Variants in MCM9 observed in about 807,000 individuals in gnomAD.
MCM9 encodes minichromosome maintenance 9 homologous recombination repair factor.
In MCM9, 55 loss-of-function variants were observed where a neutral mutation model predicts 72.8. The ratio of observed to expected loss-of-function variants is 0.76; its 90% CI spans 0.61 to 0.95. The LOEUF (loss-of-function observed/expected upper bound fraction) is 0.95. MCM9 is among the 40% of genes least tolerant of loss of function. The pLI is 0.00. For missense variants in MCM9, 1,279 were observed against 1,377.0 expected (o/e 0.93, Z 1.13); for synonymous variants, 480 against 503.4 (o/e 0.95, Z 0.62).
chr6:118,890,833 T>C (rs1263141394), intron 8 of MCM9, among the ~76,000 whole-genome samples: 1 of 152,110 alleles, frequency 6.6e-6, no homozygotes, highest in Non-Finnish European at 1.5e-5. Context: ...AAAACAAGCC[T>C]TACATGAGGA....
At chr6:118,879,625 G>C (rs1165948589) in intron 8 of MCM9, among the ~76,000 whole-genome samples, 2 of 151,760 alleles carry the variant, frequency 1.3e-5, no homozygotes, top group Non-Finnish European at 2.9e-5. Context: ...AGTTGTGATA[G>C]ACATTATACT....
In MCM9 at chr6:118,815,905, T is replaced by C. The variant is rs1290037534; in HGVS notation, c.2351A>G (p.Lys784Arg). ...CCTTTGGCCTGGCTCACTCTTCTCCTTACCCTGAGATGTGCTGTTAGAGAT... is the reference window on the plus strand; with the variant it reads ...CCTTTGGCCTGGCTCACTCTTCTCCCTACCCTGAGATGTGCTGTTAGAGAT... ...SKISNSTSQG[K>R]EKSEPGQRSK... is the part of the protein sequence containing the mutation. The change falls in exon 14 of 14, where the codon AAG becomes AGG. Residue 784 changes from lysine to arginine, a missense_variant. Transcript: ENST00000619706. 1.3e-6 allele frequency: 2 copies of C among 1,546,084 alleles called. No homozygotes were observed. Among genetic ancestry groups the C allele is most frequent in the Non-Finnish European group, 8.7e-7 (1 of 1,146,912 alleles).
intron 8 of MCM9, chr6:118,893,959 C>T (rs1249739935): frequency 2.1e-5 from 19 of 906,554 alleles, no homozygotes; most frequent in South Asian, 5.2e-5. Context: ...CGGCCACGCC[C>T]CCTCCGCCCC....
intron 9 of MCM9, among the ~76,000 whole-genome samples, chr6:118,851,111 G>A (rs1191515242): frequency 6.6e-6 from 1 of 151,836 alleles, no homozygotes; most frequent in African/African-American, 2.4e-5. Flanking sequence ...ATGAGCCACT[G>A]TACCCAGCCT....
intron 9 of MCM9, among the ~76,000 whole-genome samples, chr6:118,838,112 G>T (rs1427314528): frequency 6.6e-6 from 1 of 150,416 alleles, no homozygotes; most frequent in African/African-American, 2.5e-5. Flanking sequence ...TTCTCCTTAG[G>T]TTATGAAGCT....
In MCM9 at chr6:118,816,008, T is replaced by C. The variant is rs893965498; in HGVS notation, c.2248A>G (p.Thr750Ala). 9.7e-6 allele frequency: 15 copies of C among 1,550,472 alleles called. 1 individual carries two copies. In the East Asian group the frequency reaches 1.5e-4, roughly 15 times the overall value. Residue 750 changes from threonine to alanine, a missense_variant, in exon 14 of 14, where the codon ACT becomes GCT. Physicochemically the swap from Thr to Ala is moderately conservative, Grantham distance 58. Coordinates refer to ENST00000619706, the MANE Select transcript of MCM9 (RefSeq NM_017696.3). ...GTGTTTTTAGGTTCACTCTGATGAG[T>C]TGCCATGAAATCAAACCAATCTAAA... is the stretch of plus-strand genomic sequence containing the variant. ...DSLDWFDFMA[T>A]HQSEPKNTVV...
At chr6:118,879,923 A>T (rs2114380004) in intron 8 of MCM9, among the ~76,000 whole-genome samples, 1 of 152,104 alleles carries the variant, frequency 6.6e-6, no homozygotes, top group East Asian at 1.9e-4. Flanking sequence ...GGGTCCCTGT[A>T]ATCCCAGCCA....
chr6:118,831,435 T>C (rs926014724), intron 9 of MCM9, among the ~76,000 whole-genome samples: 3 of 145,338 alleles, frequency 2.1e-5, no homozygotes, highest in South Asian at 2.2e-4. Context: ...TCAGCAGAAA[T>C]AGGAGCAAGG....
chr6:118,903,545 G>A (rs1779951616), intron 8 of MCM9, among the ~76,000 whole-genome samples: 1 of 151,972 alleles, frequency 6.6e-6, no homozygotes, highest in African/African-American at 2.4e-5. Context: ...CAGGGCATAC[G>A]TTCTTAGATA....
intron 8 of MCM9, among the ~76,000 whole-genome samples, chr6:118,888,247 G>A (rs1778721011): frequency 6.6e-6 from 1 of 152,186 alleles, no homozygotes. Context: ...AGCACTTTGG[G>A]AGGCAGAGGT....
intron 8 of MCM9, among the ~76,000 whole-genome samples, chr6:118,887,790 G>A (rs930301483): frequency 6.6e-6 from 1 of 152,130 alleles, no homozygotes; most frequent in Admixed American, 6.5e-5. Flanking sequence ...TAAAAAGACA[G>A]ATGACCCAAT....
At chr6:118,922,288 AT>A (rs1390348571) in intron 4 of MCM9, among the ~76,000 whole-genome samples, 1 of 152,242 alleles carries the variant, frequency 6.6e-6, no homozygotes, top group African/African-American at 2.4e-5. Flanking sequence ...CATATGGAAA[AT>A]ATCTCCAAAT....
rs1456169086 is a variant in MCM9, at chr6:118,930,236, G to A, written c.304+1184C>T. On this transcript the variant is annotated intron_variant, in intron 3 of 13. Coordinates refer to ENST00000619706, the MANE Select transcript of MCM9 (RefSeq NM_017696.3). ...CACCATTCTCCTGCCTCAGCCTTCT[G>A]AGTAGCTGGGACTACAGGCGCCCGC... Among the ~76,000 whole-genome samples the A allele has an allele frequency of 2.7e-4, 41 of 152,118 alleles. 2 individuals are homozygous for A. The East Asian group carries it at 7.9e-3, about 29-fold the overall frequency.
intron 9 of MCM9, among the ~76,000 whole-genome samples, chr6:118,837,291 T>C (rs1775028273): frequency 6.6e-6 from 1 of 152,230 alleles, no homozygotes; most frequent in Admixed American, 6.5e-5. Flanking sequence ...CAATTAATTA[T>C]GTAGTCAATT....
intron 6 of MCM9, 88 bp downstream of exon 6, chr6:118,917,473 A>G: frequency 7.9e-7 from 1 of 1,272,060 alleles, no homozygotes; most frequent in Non-Finnish European, 1.1e-6. Context: ...GTTATGCGGC[A>G]TATAAGACTG....
intron 9 of MCM9, among the ~76,000 whole-genome samples, chr6:118,833,351 C>T (rs1774725940): frequency 6.6e-6 from 1 of 152,006 alleles, no homozygotes; most frequent in Admixed American, 6.6e-5. Context: ...CAGTAAGAAG[C>T]AAAATTGAAA....
chr6:118,876,052 C>G (rs1777913052), intron 8 of MCM9, among the ~76,000 whole-genome samples: 1 of 152,102 alleles, frequency 6.6e-6, no homozygotes, highest in South Asian at 2.1e-4. Flanking sequence ...TTGTTAAACA[C>G]AAATGAGCTA....
At chr6:118,889,210 C>A (rs1778793553) in intron 8 of MCM9, among the ~76,000 whole-genome samples, 1 of 152,188 alleles carries the variant, frequency 6.6e-6, no homozygotes, top group Non-Finnish European at 1.5e-5. Flanking sequence ...CAAATTTCTA[C>A]CAATTAATTA....
At chr6:118,821,238 G>A (rs1225740420) in intron 13 of MCM9, among the ~76,000 whole-genome samples, 5 of 152,150 alleles carry the variant, frequency 3.3e-5, no homozygotes, top group Non-Finnish European at 5.9e-5. Context: ...TTACAATTTG[G>A]TATGTTTTTG....
Sources: gnomAD v4.1 joint callset for allele counts (sites outside exome capture counted in the v4.1 genomes callset) on GRCh38, gnomAD v4.1.1 for gene constraint, MANE v1.5 for transcripts, NCBI Gene and HGNC (gene_info 2026-07-23, HGNC 2026-07-21) for gene names.